The following MYO1D variants were observed in gnomAD, a reference collection of about 807,000 sequenced individuals.
MYO1D encodes the protein unconventional myosin-Id.
In MYO1D, 83 loss-of-function variants were observed where a neutral mutation model predicts 122.0. The observed-to-expected ratio is 0.68, with a 90% confidence interval of 0.57 to 0.82. The LOEUF is 0.82. Among genes scored for constraint, MYO1D ranks in the 40% least tolerant of loss-of-function variants. MYO1D has a pLI of 0.00. For synonymous variants in MYO1D, 464 were observed against 446.9 expected, an observed-to-expected ratio of 1.04 and a Z score of -0.48; for missense variants, 1,157 against 1,269.5, an observed-to-expected ratio of 0.91 and a Z score of 1.35.
intron 12 of MYO1D, among the ~76,000 whole-genome samples, chr17:32,746,557 T>C (rs766309824): frequency 5.3e-5 from 8 of 152,214 alleles, no homozygotes; most frequent in Non-Finnish European, 8.8e-5. Context: ...TGTATATAAA[T>C]GTTTATGTGT....
chr17:32,662,526 A>T (rs1279623603), intron 16 of MYO1D, among the ~76,000 whole-genome samples: 1 of 152,122 alleles, frequency 6.6e-6, no homozygotes, highest in Non-Finnish European at 1.5e-5. Context: ...ACAAAAAATT[A>T]GGCAAGTGTG....
rs372389194 is a variant in MYO1D, at chr17:32,843,531, A to T, written c.95+33247T>A. Among the ~76,000 whole-genome samples, 416 of 152,358 alleles carry T rather than the reference A, an allele frequency of 2.7e-3. 3 individuals are homozygous for T. Among genetic ancestry groups the T allele is most frequent in the African/African-American group, 8.6e-3 (359 of 41,572 alleles). On this transcript the variant is annotated intron_variant, in intron 1 of 21. Transcript: ENST00000318217. Reference sequence around the variant, plus strand: ...TATGTTTATTAGTCACTAAATCATCATGTATTCTATCTGGCATGCTAAGAA... The same window carrying T: ...TATGTTTATTAGTCACTAAATCATCTTGTATTCTATCTGGCATGCTAAGAA...
intron 16 of MYO1D, 73 bp from the exon 17 acceptor site, chr17:32,659,411 G>A: frequency 2.1e-6 from 3 of 1,460,850 alleles, no homozygotes; most frequent in Non-Finnish European, 2.8e-6. Context: ...TATTATAGCA[G>A]CTCCTCTACT....
chr17:32,807,101 A>T (rs189592422), intron 1 of MYO1D, among the ~76,000 whole-genome samples: 6 of 152,334 alleles, frequency 3.9e-5, no homozygotes, highest in African/African-American at 1.2e-4. Flanking sequence ...ATTTATTTTC[A>T]TGGAGGATTT....
At chr17:32,645,574 C>T (rs2088278377) in intron 19 of MYO1D, among the ~76,000 whole-genome samples, 1 of 152,076 alleles carries the variant, frequency 6.6e-6, no homozygotes, top group Non-Finnish European at 1.5e-5. Context: ...TCACACAGTC[C>T]CATATTTCTT....
At chr17:32,496,752 C>T (rs1373318440) in intron 21 of MYO1D, among the ~76,000 whole-genome samples, 1 of 152,172 alleles carries the variant, frequency 6.6e-6, no homozygotes, top group Non-Finnish European at 1.5e-5. Context: ...TCCCCCTGCT[C>T]GCCCTCCTGG....
At chr17:32,526,769 C>T (rs1035666546) in intron 21 of MYO1D, among the ~76,000 whole-genome samples, 4 of 152,222 alleles carry the variant, frequency 2.6e-5, no homozygotes, top group Non-Finnish European at 5.9e-5. Flanking sequence ...TCTCCCGCTT[C>T]AGCTTCCCAA....
chr17:32,599,685 C>T (rs2087539651), intron 21 of MYO1D, among the ~76,000 whole-genome samples: 1 of 152,162 alleles, frequency 6.6e-6, no homozygotes, highest in Non-Finnish European at 1.5e-5. Context: ...CAGAGTCTCA[C>T]TCTGTTGCCC....
chr17:32,788,065 G>A (rs999269199), intron 1 of MYO1D, among the ~76,000 whole-genome samples: 1 of 152,188 alleles, frequency 6.6e-6, no homozygotes, highest in Non-Finnish European at 1.5e-5. Flanking sequence ...GTGTGTGTGT[G>A]TGTGTGTCTG....
At chr17:32,729,454 A>G in intron 14 of MYO1D, among the ~76,000 whole-genome samples, 1 of 152,204 alleles carries the variant, frequency 6.6e-6, no homozygotes, top group East Asian at 1.9e-4. Flanking sequence ...GAAAGTGAGG[A>G]GCCAGGGACG....
At chr17:32,866,643 T>G (rs900061491) in intron 1 of MYO1D, among the ~76,000 whole-genome samples, 1 of 152,256 alleles carries the variant, frequency 6.6e-6, no homozygotes, top group Non-Finnish European at 1.5e-5. Flanking sequence ...TCTAAGGGGA[T>G]TCTTATCAAC....
At chr17:32,771,250 G>C (rs1260379477) in intron 5 of MYO1D, 30 bp from the exon 6 acceptor site, 3 of 1,504,222 alleles carry the variant, frequency 2.0e-6, no homozygotes, top group Non-Finnish European at 2.8e-6. Context: ...AAATAAATTG[G>C]CCAGACATAC....
At chr17:32,523,704 G>A (rs757580875) in intron 21 of MYO1D, among the ~76,000 whole-genome samples, 10 of 149,848 alleles carry the variant, frequency 6.7e-5, no homozygotes, top group Non-Finnish European at 1.0e-4. Flanking sequence ...AGGAGGCTGA[G>A]TCCCTGAGCC....
chr17:32,550,714 G>A (rs572935206), intron 21 of MYO1D, among the ~76,000 whole-genome samples: 1 of 152,256 alleles, frequency 6.6e-6, no homozygotes, highest in South Asian at 2.1e-4. Context: ...AATAAAAGTG[G>A]GCCACGCACT....
chr17:32,766,579 A>T (rs1215035472), intron 7 of MYO1D, among the ~76,000 whole-genome samples: 1 of 152,148 alleles, frequency 6.6e-6, no homozygotes. Flanking sequence ...GCAGATCACG[A>T]GGTCAGGAGA....
intron 21 of MYO1D, among the ~76,000 whole-genome samples, chr17:32,555,154 C>G (rs1387984883): frequency 6.6e-6 from 1 of 152,104 alleles, no homozygotes; most frequent in African/African-American, 2.4e-5. Context: ...AATCGCAGGG[C>G]TTGTCGAATA....
chr17:32,589,993 C>T lies in MYO1D; in HGVS notation c.2864+15094G>A, dbSNP rs542312243. Among the ~76,000 whole-genome samples, 3 of 152,320 alleles carry T rather than the reference C, an allele frequency of 2.0e-5. No homozygotes were observed. The South Asian group carries it at 6.2e-4, about 32-fold the overall frequency. On this transcript the variant is annotated intron_variant, in intron 21 of 21. Coordinates refer to ENST00000318217, the MANE Select transcript of MYO1D (RefSeq NM_015194.3). Reference sequence around the variant, plus strand: ...GTATTACATATCAACTAGTGTTCCTCAAGTTCCCACTTCCCTTAAGTGAAA... The same window carrying T: ...GTATTACATATCAACTAGTGTTCCTTAAGTTCCCACTTCCCTTAAGTGAAA...
At chr17:32,716,569 A>G (rs1180447823) in intron 15 of MYO1D, among the ~76,000 whole-genome samples, 1 of 152,238 alleles carries the variant, frequency 6.6e-6, no homozygotes, top group Non-Finnish European at 1.5e-5. Flanking sequence ...GCCAAATGAA[A>G]AAGTTTTAAT....
At chr17:32,837,331 T>C (rs1158564276) in intron 1 of MYO1D, among the ~76,000 whole-genome samples, 2 of 150,198 alleles carry the variant, frequency 1.3e-5, no homozygotes, top group African/African-American at 2.4e-5. Context: ...TATGAGTGCT[T>C]TGTCAAATCT....
Sources: allele counts gnomAD v4.1 joint callset (sites outside exome capture counted in the v4.1 genomes callset), GRCh38; gene constraint gnomAD v4.1.1; transcripts MANE v1.5; gene names NCBI Gene and HGNC (gene_info 2026-07-23, HGNC 2026-07-21).